ZNF320: variants seen among roughly 807,000 people sequenced by gnomAD.
ZNF320 encodes zinc finger gene 320.
In ZNF320, 2 loss-of-function variants were observed where a neutral mutation model predicts 6.8. That is an observed-to-expected ratio of 0.29 (90% CI 0.12 to 0.93). The LOEUF (loss-of-function observed/expected upper bound fraction) is 0.93, where lower values mean the gene tolerates loss of function less well. ZNF320 is among the 40% of genes least tolerant of loss of function. The pLI, the probability that ZNF320 is intolerant of heterozygous loss-of-function variation, is 0.55. For missense variants in ZNF320, 472 were observed against 611.0 expected (o/e 0.77, Z 2.40); for synonymous variants, 208 against 203.2 (o/e 1.02, Z -0.20).
exon 6 of ZNF320, chr19:52,862,141 A>C (rs145757622): frequency 1.9e-3 from 769 of 404,896 alleles, no homozygotes; most frequent in Admixed American, 4.1e-3. Flanking sequence ...CAACAGTTCT[A>C]GCATTACCAA....
chr19:52,886,105 T>G (rs1213211092), intron 5 of ZNF320, among the ~76,000 whole-genome samples: 1 of 108,146 alleles, frequency 9.2e-6, no homozygotes, highest in Non-Finnish European at 2.1e-5. Flanking sequence ...GGAGAAGAAG[T>G]AGTTTTTGTA....
intron 5 of ZNF320, chr19:52,865,483 T>TAA (rs1568692777): frequency 7.8e-6 from 1 of 127,682 alleles, no homozygotes; most frequent in Non-Finnish European, 1.6e-5. Context: ...CATATATATA[T>TAA]AATACATATA....
the ZNF320 span, among the ~76,000 whole-genome samples, chr19:52,903,323 A>G: frequency 6.6e-6 from 1 of 152,156 alleles, no homozygotes; most frequent in South Asian, 2.1e-4. Flanking sequence ...GTTTAGTCTA[A>G]ATTAACTTAG....
At chr19:52,875,757 G>A (rs962925131), downstream of ZNF320, among the ~76,000 whole-genome samples, 1 of 151,422 alleles carries the variant, frequency 6.6e-6, no homozygotes, top group African/African-American at 2.4e-5. Context: ...TCAAGCATGG[G>A]TGACCGAGTG....
At chr19:52,865,703 TTA>T (rs1317728490) in intron 5 of ZNF320, among the ~76,000 whole-genome samples, 5 of 128,506 alleles carry the variant, frequency 3.9e-5, no homozygotes, top group East Asian at 2.2e-4. Flanking sequence ...ATACATATAT[TTA>T]TATATGATTA....
downstream of ZNF320, among the ~76,000 whole-genome samples, chr19:52,874,463 T>C (rs543085856): frequency 3.9e-4 from 59 of 152,262 alleles, no homozygotes; most frequent in African/African-American, 1.4e-3. Flanking sequence ...ACCAGTGCCA[T>C]AGTAAATATT....
rs767777453 is a variant in ZNF320 at position 52,880,609 on chromosome 19, G to A, written c.1517C>T (p.Ser506Leu). ...TTGACTCTGATGTCAATTAATGCTTGATGGTTTGCTATACTCATTGCACTT... is the reference window on the plus strand; with the variant it reads ...TTGACTCTGATGTCAATTAATGCTTAATGGTTTGCTATACTCATTGCACTT... ...CFKCNEYSKPSSIN is the reference protein window; with the variant it reads ...CFKCNEYSKPLSIN Residue 506 changes from serine to leucine, a missense_variant, in exon 6 of 6, where the codon TCA becomes TTA. Physicochemically the swap from Ser to Leu is moderately radical, Grantham distance 145. Transcript: ENST00000682928. 1 of 1,600,256 alleles carries A rather than the reference G, an allele frequency of 6.2e-7. No homozygotes were observed. Among genetic ancestry groups the A allele is most frequent in the Admixed American group, 1.7e-5 (1 of 57,206 alleles).
downstream of ZNF320, among the ~76,000 whole-genome samples, chr19:52,873,280 T>C (rs1468723634): frequency 2.0e-5 from 3 of 152,366 alleles, no homozygotes; most frequent in South Asian, 2.1e-4. Context: ...GGGGGAAACC[T>C]GGACAATACC....
chr19:52,871,430 G>A (rs1395268604), downstream of ZNF320, among the ~76,000 whole-genome samples: 3 of 152,022 alleles, frequency 2.0e-5, no homozygotes, highest in Admixed American at 6.6e-5. Flanking sequence ...GATGCAATAA[G>A]ATCACTTGAG....
intron 1 of ZNF320, among the ~76,000 whole-genome samples, chr19:52,896,538 G>A (rs1187825993): frequency 6.6e-6 from 1 of 152,088 alleles, no homozygotes; most frequent in African/African-American, 2.4e-5. Context: ...GCAAAAGCCC[G>A]TCTCTACCAA....
chr19:52,873,784 C>T (rs62117504), downstream of ZNF320, among the ~76,000 whole-genome samples: 28,346 of 152,054 alleles, frequency 0.19, 3,080 homozygotes, highest in Non-Finnish European at 0.24. Flanking sequence ...CAGGACCATG[C>T]CCAGTGGAGC....
rs530286537 is a variant in ZNF320, at chr19:52,877,044, C to T, written c.*3552G>A. 19 of 152,336 alleles carry T rather than the reference C, an allele frequency of 1.2e-4. No homozygotes were observed. The highest frequency in any genetic ancestry group is 4.3e-4 in the African/African-American group (18 of 41,570). The allele number at this position is 152,336 out of a possible 1,614,324, so 9.4% of individuals were successfully genotyped here. On this transcript the variant is annotated 3_prime_UTR_variant, in exon 6 of 6. Transcript: ENST00000682928. The stretch of plus-strand genomic sequence containing the variant: ...ATCCCTTGAACCCAGGAGATTGAAG[C>T]TTCAGTGAGGGCTGATCCTGTCACC...
the ZNF320 span, among the ~76,000 whole-genome samples, chr19:52,903,818 T>C: frequency 0.38 from 57,074 of 151,756 alleles, 13,594 homozygotes; most frequent in African/African-American, 0.66. Context: ...ACCAAAATCA[T>C]GAAATTCAAA....
chr19:52,867,993 C>G (rs879592555), intron 5 of ZNF320, among the ~76,000 whole-genome samples: 5 of 152,244 alleles, frequency 3.3e-5, no homozygotes, highest in Admixed American at 3.3e-4. Context: ...AATCTACCCC[C>G]ATCAGCCTCC....
At chr19:52,903,792 T>C in the ZNF320 span, among the ~76,000 whole-genome samples, 2 of 151,976 alleles carry the variant, frequency 1.3e-5, no homozygotes, top group African/African-American at 4.8e-5. Flanking sequence ...ACACGCACTT[T>C]TACCGTTTAT....
intron 2 of ZNF320, chr19:52,893,403 C>A (rs1340127730): frequency 6.7e-6 from 1 of 149,246 alleles, no homozygotes; most frequent in Non-Finnish European, 1.5e-5. Flanking sequence ...GTAATCCCAG[C>A]ACTTTGGGAG....
Position 52,881,410 on chromosome 19 carries a change from T to A in ZNF320, c.716A>T (p.His239Leu), listed in dbSNP as rs2063914895. ...KATLACHHRS[H>L]TGEKPYKCNE... ...ACACTTATAAGGTTTCTCTCCAGTA[T>A]GACTTCTATGATGACATGCAAGGGT... The change falls in exon 6 of 6, where the codon CAT (histidine) becomes CTT (leucine). Residue 239 changes from histidine to leucine, a missense_variant. His to Leu is a moderately conservative substitution (Grantham distance 99). Coordinates refer to ENST00000682928, the MANE Select transcript of ZNF320 (RefSeq NM_001351774.2). 1 of 1,614,062 alleles carries A rather than the reference T, an allele frequency of 6.2e-7. No homozygotes were observed. The highest frequency in any genetic ancestry group is 1.7e-5 in the Admixed American group (1 of 60,006).
chr19:52,872,570 C>T (rs374418689), downstream of ZNF320, among the ~76,000 whole-genome samples: 349 of 152,246 alleles, frequency 2.3e-3, 1 homozygote, highest in African/African-American at 7.9e-3. Context: ...GGCATGGTTT[C>T]GGCTCACTGA....
At chr19:52,866,504 A>C (rs1195839220) in intron 5 of ZNF320, among the ~76,000 whole-genome samples, 2 of 152,044 alleles carry the variant, frequency 1.3e-5, no homozygotes, top group East Asian at 1.9e-4. Flanking sequence ...AGGATGAAAA[A>C]CAGCAAACTA....
Sources: gnomAD v4.1 joint callset for allele counts (sites outside exome capture counted in the v4.1 genomes callset) on GRCh38, gnomAD v4.1.1 for gene constraint, MANE v1.5 for transcripts, NCBI Gene and HGNC (gene_info 2026-07-23, HGNC 2026-07-21) for gene names.